Variants in ZNF536 observed in about 807,000 individuals in gnomAD.
ZNF536 encodes the protein zinc finger protein 536.
A neutral mutation model predicts 84.5 loss-of-function variants in ZNF536; 13 were observed. That is an observed-to-expected ratio of 0.15 (90% CI 0.10 to 0.24). The LOEUF is 0.24. Among genes scored for constraint, ZNF536 ranks in the 10% least tolerant of loss-of-function variants. The pLI, the probability that ZNF536 is intolerant of heterozygous loss-of-function variation, is 1.00. For synonymous variants in ZNF536, 811 were observed against 742.5 expected (o/e 1.09, Z -1.50); for missense variants, 1,536 against 1,747.5 (o/e 0.88, Z 2.16).
At chr19:30,259,289 A>T (rs2025071959) in intron 1 of ZNF536, among the ~76,000 whole-genome samples, 4 of 152,188 alleles carry the variant, frequency 2.6e-5, no homozygotes, top group Admixed American at 2.6e-4. Flanking sequence ...TCTTCTGATG[A>T]TCAAAAATTT....
Position 30,548,569 on chromosome 19 carries a change from GC to G in ZNF536, c.2952del (p.Ala985ProfsTer8). The G allele has an allele frequency of 6.2e-7, 1 of 1,614,166 alleles. No homozygotes were observed. Among genetic ancestry groups the G allele is most frequent in the Non-Finnish European group, 8.5e-7 (1 of 1,180,044 alleles). On this transcript the variant is annotated frameshift_variant, in exon 4 of 5. Transcript: ENST00000355537. LOFTEE classifies it high-confidence loss of function. Reference protein sequence around the residue: ...EPLDLSVRPDAASLPGSSVTV... With the variant: ...EPLDLSVRPDXASLPGSSVTV... ...CCTGGACTTGTCTGTGCGGCCAGAT[GC>G]CGCCTCCCTCCCGGGCTCCTCGGTA... is the stretch of plus-strand genomic sequence containing the variant.
At chr19:30,401,023 T>G (rs2147503265) in intron 1 of ZNF536, among the ~76,000 whole-genome samples, 1 of 152,316 alleles carries the variant, frequency 6.6e-6, no homozygotes, top group South Asian at 2.1e-4. Flanking sequence ...TAATCCATGT[T>G]TTGTGTAAGA....
chr19:30,292,994 T>C (rs1189230866), intron 2 of ZNF536, among the ~76,000 whole-genome samples: 1 of 152,140 alleles, frequency 6.6e-6, no homozygotes, highest in Admixed American at 6.5e-5. Context: ...TAAGCCAGGG[T>C]CTACAAGGGA....
rs772183721 is a variant in ZNF536, at chr19:30,462,303, AGT to A, written c.2170+16594_2170+16595del. Among the ~76,000 whole-genome samples, 346 of 109,350 alleles carry A rather than the reference AGT, an allele frequency of 3.2e-3. 1 individual carries two copies. The highest frequency in any genetic ancestry group is 5.0e-3 in the South Asian group (20 of 3,992). 71.7% of individuals were successfully genotyped at this position (109,350 alleles called of 152,430 possible). The stretch of plus-strand genomic sequence containing the variant: ...CTTTTCTTGTGATTTTGTGTGTGTG[AGT>A]GTGTGTGTGTGTGTGTGTGTGTTGA... On this transcript the variant is annotated intron_variant, in intron 2 of 4. Transcript: ENST00000355537.
chr19:30,644,630 C>T (rs550882891), intron 1 of ZNF536, among the ~76,000 whole-genome samples: 221 of 152,028 alleles, frequency 1.5e-3, no homozygotes, highest in Non-Finnish European at 2.6e-3. Flanking sequence ...GGTTTTTTGT[C>T]CTTGCGATAG....
At chr19:30,535,668 T>C (rs1018704731) in intron 3 of ZNF536, among the ~76,000 whole-genome samples, 1 of 152,042 alleles carries the variant, frequency 6.6e-6, no homozygotes, top group South Asian at 2.1e-4. Context: ...GTTCTGTGTG[T>C]CCCTCAGTCA....
intron 1 of ZNF536, among the ~76,000 whole-genome samples, chr19:30,400,245 G>GTGCAAT (rs1347148861): frequency 6.6e-6 from 1 of 152,040 alleles, no homozygotes; most frequent in Non-Finnish European, 1.5e-5. Flanking sequence ...GGGCTCAGAA[G>GTGCAAT]TGCAATTGTT....
intron 3 of ZNF536, among the ~76,000 whole-genome samples, chr19:30,360,343 C>G (rs1600382504): frequency 6.6e-6 from 1 of 152,214 alleles, no homozygotes; most frequent in African/African-American, 2.4e-5. Flanking sequence ...TTTCTGTAAT[C>G]CCTTTATTGT....
At chr19:30,499,387 A>G (rs1297500845) in intron 2 of ZNF536, among the ~76,000 whole-genome samples, 1 of 150,256 alleles carries the variant, frequency 6.7e-6, no homozygotes, top group Non-Finnish European at 1.5e-5. Flanking sequence ...GTATATGTCT[A>G]TGTATGTATG....
chr19:30,438,034 G>A (rs1019253680), intron 1 of ZNF536, among the ~76,000 whole-genome samples: 2 of 152,148 alleles, frequency 1.3e-5, no homozygotes, highest in African/African-American at 4.8e-5. Context: ...TCAAAGTCCT[G>A]ACTGCCCAGT....
chr19:30,548,647 A>G lies in ZNF536; in HGVS notation c.3028A>G (p.Thr1010Ala), dbSNP rs1455950856. ...WHGCLFCAFT[T>A]SSMELMALHL... ...CGGCTGCTTGTTTTGTGCTTTCACA[A>G]CGTCCTCCATGGAGCTCATGGCCCT... The change falls in exon 4 of 5, where the codon ACG becomes GCG. Residue 1010 changes from threonine to alanine, a missense_variant. Physicochemically the swap from Thr to Ala is moderately conservative, Grantham distance 58. Around this residue, in one of 8 missense-constraint regions of ZNF536, gnomAD observed 624 missense variants for 603.1 expected, o/e 1.03. Coordinates refer to ENST00000355537, the MANE Select transcript of ZNF536 (RefSeq NM_014717.3). 5.0e-6 allele frequency: 8 copies of G among 1,614,060 alleles called. No individual in the cohort carries two copies. Among genetic ancestry groups the G allele is most frequent in the Non-Finnish European group, 6.8e-6 (8 of 1,180,028 alleles).
intron 3 of ZNF536, among the ~76,000 whole-genome samples, chr19:30,540,382 A>G (rs2045282067): frequency 6.6e-6 from 1 of 152,204 alleles, no homozygotes; most frequent in Non-Finnish European, 1.5e-5. Flanking sequence ...CCTTGTGACT[A>G]CAAAGCCTGA....
chr19:30,549,542 T>G, intron 4 of ZNF536, 28 bp downstream of exon 4: 4 of 1,494,408 alleles, frequency 2.7e-6, no homozygotes, highest in Non-Finnish European at 3.6e-6. Flanking sequence ...CTTCCTATAG[T>G]TCATTTCCCA....
exon 2 of ZNF536, chr19:30,712,082 T>C (rs1036208098): frequency 3.3e-5 from 5 of 152,156 alleles, no homozygotes; most frequent in Non-Finnish European, 7.3e-5. Context: ...TCGTGCTCTC[T>C]ATCTCTAATG....
chr19:30,677,711 T>C (rs955036388), intron 1 of ZNF536, among the ~76,000 whole-genome samples: 16 of 152,250 alleles, frequency 1.1e-4, no homozygotes, highest in African/African-American at 3.9e-4. Context: ...CCAATGACTT[T>C]GATCTTTTGC....
chr19:30,324,162 C>T (rs1385146071), intron 2 of ZNF536, among the ~76,000 whole-genome samples: 1 of 152,052 alleles, frequency 6.6e-6, no homozygotes, highest in East Asian at 1.9e-4. Context: ...TCCATCCACC[C>T]ATCCATTCAT....
chr19:30,306,576 A>C (rs1246477799), intron 2 of ZNF536, among the ~76,000 whole-genome samples: 1 of 152,226 alleles, frequency 6.6e-6, no homozygotes, highest in Admixed American at 6.5e-5. Context: ...TTCAAGGGGA[A>C]TATTTCACCT....
At chr19:30,482,870 T>C (rs1306330230) in intron 2 of ZNF536, among the ~76,000 whole-genome samples, 2 of 152,174 alleles carry the variant, frequency 1.3e-5, no homozygotes, top group Admixed American at 1.3e-4. Context: ...TCTGTCTGGG[T>C]GGGCTTCAGC....
intron 1 of ZNF536, among the ~76,000 whole-genome samples, chr19:30,675,595 G>A (rs1423222143): frequency 2.0e-5 from 3 of 152,176 alleles, no homozygotes; most frequent in African/African-American, 7.2e-5. Flanking sequence ...GAGCTGGGAA[G>A]GCTCACAGCT....
Sources: gnomAD v4.1 joint callset for allele counts (sites outside exome capture counted in the v4.1 genomes callset) on GRCh38, gnomAD v4.1.1 for gene constraint, gnomAD v4.1.1 regional missense constraint, MANE v1.5 for transcripts, NCBI Gene and HGNC (gene_info 2026-07-23, HGNC 2026-07-21) for gene names.